The following PAPPA2 variants were observed in gnomAD, a reference collection of about 807,000 sequenced individuals.
PAPPA2 encodes the protein pappalysin-2.
Under a neutral mutation model 176.4 loss-of-function variants are expected in PAPPA2, and 86 were observed. The observed-to-expected ratio is 0.49, with a 90% confidence interval of 0.41 to 0.58. The LOEUF is 0.58. Among genes scored for constraint, PAPPA2 ranks in the 20% least tolerant of loss-of-function variants. PAPPA2 has a pLI of 0.00. For missense variants in PAPPA2, 2,073 were observed against 2,256.9 expected (o/e 0.92, Z 1.65); for synonymous variants, 809 against 852.2 (o/e 0.95, Z 0.88).
At chr1:176,740,781 C>G (rs1428320613) in intron 14 of PAPPA2, among the ~76,000 whole-genome samples, 1 of 152,062 alleles carries the variant, frequency 6.6e-6, no homozygotes, top group Non-Finnish European at 1.5e-5. Context: ...GTTGGTGTGC[C>G]CAAGGTTAGG....
chr1:176,524,841 A>G (rs879380718), intron 1 of PAPPA2, among the ~76,000 whole-genome samples: 14 of 152,086 alleles, frequency 9.2e-5, no homozygotes, highest in Admixed American at 2.0e-4. Flanking sequence ...GGCTAACACG[A>G]TGAAACCCCG....
At chr1:176,680,544 C>A (rs185240512) in intron 4 of PAPPA2, among the ~76,000 whole-genome samples, 212 of 152,230 alleles carry the variant, frequency 1.4e-3, no homozygotes, top group Non-Finnish European at 2.6e-3. Flanking sequence ...TTCTGTATAA[C>A]CTTTACCCAT....
chr1:176,670,205 G>GA (rs1156972852), intron 3 of PAPPA2, among the ~76,000 whole-genome samples: 17 of 152,202 alleles, frequency 1.1e-4, no homozygotes, highest in African/African-American at 3.6e-4. Context: ...TTTAGAAACA[G>GA]ACCAAATGTT....
At chr1:176,576,369 C>T (rs576019567) in intron 2 of PAPPA2, among the ~76,000 whole-genome samples, 10 of 152,170 alleles carry the variant, frequency 6.6e-5, no homozygotes, top group African/African-American at 2.2e-4. Context: ...AGTGTCTTTC[C>T]ACCCTTTACT....
intron 1 of PAPPA2, among the ~76,000 whole-genome samples, chr1:176,482,602 A>G (rs1003575624): frequency 1.3e-5 from 2 of 152,200 alleles, no homozygotes; most frequent in African/African-American, 2.4e-5. Context: ...CTGAAATACC[A>G]TAAGAATTTG....
In PAPPA2 at chr1:176,699,323, C is replaced by T. The variant is rs1338361932; in HGVS notation, c.2970C>T (p.Asn990=). The T allele has an allele frequency of 1.9e-6, 3 of 1,614,194 alleles. No homozygotes were observed. The highest frequency in any genetic ancestry group is 2.5e-6 in the Non-Finnish European group (3 of 1,180,016). ...TTGACACAGAGATCTTGCTGGAAAA[C>T]AAGGAGTCAGTGCACCTGGGCCCCT... is the stretch of plus-strand genomic sequence containing the variant. ...VLFDTEILLE[N]KESVHLGPLD... Residue 990 remains asparagine (N), a synonymous_variant, in exon 8 of 23, where the codon AAC becomes AAT. Coordinates refer to ENST00000367662, the MANE Select transcript of PAPPA2 (RefSeq NM_020318.3).
chr1:176,621,055 G>C (rs1324176057), intron 3 of PAPPA2, among the ~76,000 whole-genome samples: 2 of 152,134 alleles, frequency 1.3e-5, no homozygotes, highest in Non-Finnish European at 2.9e-5. Flanking sequence ...CTAAGTGAGA[G>C]AAGACAGCAG....
chr1:176,836,688 G>A (rs1254890056), intron 21 of PAPPA2: 1 of 152,040 alleles, frequency 6.6e-6, no homozygotes, highest in Non-Finnish European at 1.5e-5. Flanking sequence ...TCTCCATGGG[G>A]CCTAGATGTT....
chr1:176,647,174 C>T (rs1657444410), intron 3 of PAPPA2, among the ~76,000 whole-genome samples: 1 of 151,472 alleles, frequency 6.6e-6, no homozygotes, highest in South Asian at 2.1e-4. Context: ...TGTTGAGCAC[C>T]TTTTCACATA....
chr1:176,550,469 T>TC (rs1558429661), intron 1 of PAPPA2, among the ~76,000 whole-genome samples: 1 of 152,072 alleles, frequency 6.6e-6, no homozygotes, highest in African/African-American at 2.4e-5. Context: ...TGTTAAGCTC[T>TC]CCCCCAGCCA....
intron 14 of PAPPA2, among the ~76,000 whole-genome samples, chr1:176,759,422 C>T (rs376023531): frequency 6.6e-5 from 10 of 152,202 alleles, no homozygotes; most frequent in South Asian, 2.1e-4. Context: ...AAATGCCCAC[C>T]GTTCCCCACC....
chr1:176,789,805 T>C lies in PAPPA2; in HGVS notation c.4716-4T>C. 1.2e-6 allele frequency: 2 copies of C among 1,611,850 alleles called. No individual in the cohort carries two copies. Among genetic ancestry groups the C allele is most frequent in the Non-Finnish European group, 1.7e-6 (2 of 1,178,894 alleles). The stretch of plus-strand genomic sequence containing the variant: ...TGAGCTATTTTTGTTTTATGTTTTA[T>C]CAGCAAGCTCCTGAAGATACAATGC... On this transcript the variant is annotated splice_polypyrimidine_tract_variant and splice_region_variant and intron_variant, in intron 17 of 22. Coordinates refer to ENST00000367662, the MANE Select transcript of PAPPA2 (RefSeq NM_020318.3).
At chr1:176,654,452 A>G (rs1388642606) in intron 3 of PAPPA2, among the ~76,000 whole-genome samples, 1 of 148,760 alleles carries the variant, frequency 6.7e-6, no homozygotes, top group Non-Finnish European at 1.5e-5. Flanking sequence ...TATATATAAT[A>G]TAAGTATATA....
At chr1:176,623,758 C>CCTTCCTTCCTTTCTTTCTTTCTTTCTTT (rs1198828841) in intron 3 of PAPPA2, among the ~76,000 whole-genome samples, 15 of 59,054 alleles carry the variant, frequency 2.5e-4, no homozygotes, top group East Asian at 4.1e-4. Flanking sequence ...TTCCTTCCTT[C>CCTTCCTTCCTTTCTTTCTTTCTTTCTTT]CTTTCTTTCT....
At chr1:176,732,414 A>G (rs905454157) in intron 12 of PAPPA2, among the ~76,000 whole-genome samples, 3 of 152,130 alleles carry the variant, frequency 2.0e-5, no homozygotes, top group African/African-American at 7.2e-5. Flanking sequence ...TTCTATTCAA[A>G]TTTGTTTCAA....
At chr1:176,545,764 T>A (rs1001577466) in intron 1 of PAPPA2, among the ~76,000 whole-genome samples, 1 of 152,168 alleles carries the variant, frequency 6.6e-6, no homozygotes, top group African/African-American at 2.4e-5. Context: ...TAGCCTTCTT[T>A]TAGCTAGGAT....
intron 1 of PAPPA2, among the ~76,000 whole-genome samples, chr1:176,490,129 T>C (rs983022727): frequency 6.6e-6 from 1 of 151,918 alleles, no homozygotes; most frequent in Admixed American, 6.6e-5. Context: ...AGAAGCAAAG[T>C]TTCTTTTAAG....
At chr1:176,619,663 A>G (rs1219600588) in intron 3 of PAPPA2, among the ~76,000 whole-genome samples, 1 of 152,226 alleles carries the variant, frequency 6.6e-6, no homozygotes, top group African/African-American at 2.4e-5. Context: ...TAAAAATAAT[A>G]AAATTAAATT....
In PAPPA2 at chr1:176,472,563, T is replaced by TA. The variant is rs151146610; in HGVS notation, c.-917+9146dup. Among the ~76,000 whole-genome samples, 425 of 152,308 alleles carry TA rather than the reference T, an allele frequency of 2.8e-3. 2 individuals are homozygous for TA. Among genetic ancestry groups the TA allele is most frequent in the African/African-American group, 1.0e-2 (415 of 41,562 alleles). ...GTTTCTTTTAATGGGAAATGGTACT[T>TA]ACAAACCGTAATCTAGGCACAAAGT... On this transcript the variant is annotated intron_variant, in intron 1 of 22. Transcript: ENST00000367662.
Sources: allele counts gnomAD v4.1 joint callset (sites outside exome capture counted in the v4.1 genomes callset), GRCh38; gene constraint gnomAD v4.1.1; transcripts MANE v1.5; gene names NCBI Gene and HGNC (gene_info 2026-07-23, HGNC 2026-07-21).